Variants in ZDHHC20 observed in about 807,000 individuals in gnomAD.
The protein encoded by ZDHHC20 is palmitoyltransferase ZDHHC20.
Under a neutral mutation model 57.8 loss-of-function variants are expected in ZDHHC20, and 43 were observed. The ratio of observed to expected loss-of-function variants is 0.74; its 90% CI spans 0.58 to 0.96. The LOEUF (loss-of-function observed/expected upper bound fraction) is 0.96. ZDHHC20 is among the 40% of genes least tolerant of loss of function. The probability of loss-of-function intolerance (pLI) is 0.00; values close to 1 mark genes in which losing one functional copy is unlikely to be tolerated. For synonymous variants in ZDHHC20, 157 were observed against 153.0 expected, an observed-to-expected ratio of 1.03 and a Z score of -0.19; for missense variants, 391 against 441.1, an observed-to-expected ratio of 0.89 and a Z score of 1.02.
intron 1 of ZDHHC20, among the ~76,000 whole-genome samples, chr13:21,449,835 T>C (rs1187009326): frequency 6.6e-6 from 1 of 152,148 alleles, no homozygotes; most frequent in African/African-American, 2.4e-5. Context: ...TTTTGCCACG[T>C]TGATGAAGCT....
Position 21,425,688 on chromosome 13 carries a change from A to G in ZDHHC20, c.119-10T>C. ...TTTCCAAAAATAGTAACTAGAATAG[A>G]AGAAAAAATAGTGAATAAATATACT... is the stretch of plus-strand genomic sequence containing the variant. On this transcript the variant is annotated splice_polypyrimidine_tract_variant and intron_variant, in intron 1 of 12. Transcript: ENST00000400590. The G allele has an allele frequency of 8.6e-7, 1 of 1,158,490 alleles. No individual in the cohort carries two copies. Among genetic ancestry groups the G allele is most frequent in the Non-Finnish European group, 1.2e-6 (1 of 860,090 alleles). 71.8% of individuals were successfully genotyped at this position (1,158,490 alleles called of 1,614,324 possible). A position where few individuals can be genotyped will look rare whatever the true frequency, so the allele number is the denominator to read the frequency against.
intron 1 of ZDHHC20, among the ~76,000 whole-genome samples, chr13:21,427,751 C>T (rs1428464130): frequency 6.8e-6 from 1 of 146,394 alleles, no homozygotes. Context: ...AGGAGAATCA[C>T]TTGAACCCAG....
At chr13:21,448,409 G>A (rs1593283657) in intron 1 of ZDHHC20, among the ~76,000 whole-genome samples, 2 of 107,138 alleles carry the variant, frequency 1.9e-5, no homozygotes, top group African/African-American at 3.1e-5. Context: ...CCGTCCGGGA[G>A]GGAGGTGGGG....
intron 7 of ZDHHC20, among the ~76,000 whole-genome samples, chr13:21,397,688 T>C (rs779618626): frequency 2.1e-4 from 32 of 151,974 alleles, no homozygotes; most frequent in Non-Finnish European, 3.8e-4. Flanking sequence ...CAAAAAAGAT[T>C]AGTATCTTTA....
intron 12 of ZDHHC20, among the ~76,000 whole-genome samples, chr13:21,378,373 T>C (rs1368403448): frequency 6.6e-6 from 1 of 152,178 alleles, no homozygotes; most frequent in African/African-American, 2.4e-5. Flanking sequence ...TTTTTTTCTT[T>C]AATTAATAAG....
At chr13:21,444,302 A>C (rs570837291) in intron 1 of ZDHHC20, among the ~76,000 whole-genome samples, 2 of 152,330 alleles carry the variant, frequency 1.3e-5, no homozygotes, top group South Asian at 4.1e-4. Flanking sequence ...ATCAACATAG[A>C]AACTAGTTGG....
At chr13:21,389,398 C>T (rs749635680) in intron 8 of ZDHHC20, among the ~76,000 whole-genome samples, 15 of 152,088 alleles carry the variant, frequency 9.9e-5, no homozygotes, top group African/African-American at 1.7e-4. Context: ...TGACTTGCAA[C>T]CCGCATTTCC....
At chr13:21,394,056 T>C (rs1876326272) in intron 7 of ZDHHC20, among the ~76,000 whole-genome samples, 1 of 152,336 alleles carries the variant, frequency 6.6e-6, no homozygotes, top group East Asian at 1.9e-4. Context: ...CTCCCATCTA[T>C]TCTCAGCTCA....
intron 10 of ZDHHC20, chr13:21,381,936 C>A (rs762583279): frequency 1.9e-6 from 1 of 525,694 alleles, no homozygotes; most frequent in South Asian, 1.4e-5. Context: ...TCTACCTCTG[C>A]AGTTTAGATC....
In ZDHHC20 at chr13:21,452,364, G is replaced by A. The variant is rs561613194; in HGVS notation, c.118+6690C>T. ...TTTTATGACATGCAAACTATGTCTC[G>A]ATCAAGTTGTCTTTAAAAACTAAAG... On this transcript the variant is annotated intron_variant, in intron 1 of 12. Transcript: ENST00000400590. Among the ~76,000 whole-genome samples, 4 of 152,178 alleles carry A rather than the reference G, an allele frequency of 2.6e-5. No individual in the cohort carries two copies. In the East Asian group the frequency reaches 5.8e-4, roughly 22 times the overall value.
At chr13:21,377,123 C>T (rs1303350966) in intron 12 of ZDHHC20, 2 of 167,334 alleles carry the variant, frequency 1.2e-5, no homozygotes, top group Non-Finnish European at 2.6e-5. Flanking sequence ...ACAGCTCCAG[C>T]TCTTGGTGGC....
chr13:21,458,439 C>A (rs1027557132), intron 1 of ZDHHC20, among the ~76,000 whole-genome samples: 12 of 152,168 alleles, frequency 7.9e-5, no homozygotes, highest in African/African-American at 2.9e-4. Context: ...CAAAAGCCGG[C>A]TGGATTCAGA....
At chr13:21,418,540 T>C (rs182658047) in intron 3 of ZDHHC20, among the ~76,000 whole-genome samples, 2 of 152,202 alleles carry the variant, frequency 1.3e-5, no homozygotes, top group East Asian at 3.9e-4. Flanking sequence ...AGGTGGGTAC[T>C]AGTATCACCC....
Position 21,395,307 on chromosome 13 carries a change from C to T in ZDHHC20, c.595-3453G>A, listed in dbSNP as rs112358261. Among the ~76,000 whole-genome samples, 177 of 151,936 alleles carry T rather than the reference C, an allele frequency of 1.2e-3. 1 individual carries two copies. The highest frequency in any genetic ancestry group is 6.8e-3 in the Middle Eastern group (2 of 294). On this transcript the variant is annotated intron_variant, in intron 7 of 12. Coordinates refer to ENST00000400590, the MANE Select transcript of ZDHHC20 (RefSeq NM_001330059.2). ...GGTCTTGATCTCCTGACCTCGTGAT[C>T]CACCTGCCTCGGCCTCCCAAAGTGC... is the stretch of plus-strand genomic sequence containing the variant.
chr13:21,381,347 T>G lies in ZDHHC20; in HGVS notation c.1060+87A>C. 3 of 1,079,434 alleles carry G rather than the reference T, an allele frequency of 2.8e-6. No individual in the cohort carries two copies. The South Asian group carries it at 4.3e-5, about 16-fold the overall frequency. The allele number at this position is 1,079,434 out of a possible 1,614,324, so 66.9% of individuals were successfully genotyped here. On this transcript the variant is annotated intron_variant, in intron 11 of 12. Coordinates refer to ENST00000400590, the MANE Select transcript of ZDHHC20 (RefSeq NM_001330059.2). ...ACATATTTTAGTATTTTTAAAATGT[T>G]ACATTATTTTGATTTTTCCACATGT...
rs150256402 is a variant in ZDHHC20 at position 21,444,699 on chromosome 13, G to A, written c.118+14355C>T. ...TTAGTAGGTATATCCGTCCCCTACC[G>A]TTTTATGATCTTTTTCCTCCAAACT... On this transcript the variant is annotated intron_variant, in intron 1 of 12. Coordinates refer to ENST00000400590, the MANE Select transcript of ZDHHC20 (RefSeq NM_001330059.2). Among the ~76,000 whole-genome samples, 781 of 152,172 alleles carry A rather than the reference G, an allele frequency of 5.1e-3. 10 individuals carry two copies. Among genetic ancestry groups the A allele is most frequent in the African/African-American group, 0.018 (745 of 41,516 alleles).
Position 21,448,771 on chromosome 13 carries a change from AGAAAGGCGG to A in ZDHHC20, c.118+10274_118+10282del, listed in dbSNP as rs1354028267. 2.0e-4 allele frequency among the ~76,000 whole-genome samples: 19 copies of A among 94,928 alleles called. 1 individual carries two copies. The highest frequency in any genetic ancestry group is 5.9e-4 in the African/African-American group (18 of 30,254). The allele number at this position is 94,928 out of a possible 152,430, so 62.3% of individuals were successfully genotyped here. A position where few individuals can be genotyped will look rare whatever the true frequency, so the allele number is the denominator to read the frequency against. On this transcript the variant is annotated intron_variant, in intron 1 of 12. Transcript: ENST00000400590. Reference sequence around the variant, plus strand: ...GATGACAATGGTGGCTTTGTGGAATAGAAAGGCGGGAAAGGTGGGGAAAAGATTGAGAAA... The same window carrying A: ...GATGACAATGGTGGCTTTGTGGAATAGAAAGGTGGGGAAAAGATTGAGAAA...
intron 11 of ZDHHC20, 64 bp from the exon 12 acceptor site, chr13:21,378,802 G>A: frequency 1.1e-6 from 1 of 947,128 alleles, no homozygotes; most frequent in Non-Finnish European, 1.5e-6. Context: ...TTAAGTTTCT[G>A]GCTAAATGGT....
chr13:21,389,154 C>CA (rs1875168420), intron 8 of ZDHHC20, among the ~76,000 whole-genome samples: 1 of 152,116 alleles, frequency 6.6e-6, no homozygotes, highest in Admixed American at 6.6e-5. Context: ...TGTAGGAACT[C>CA]ACTAAATGAG....
Sources: gnomAD v4.1 joint callset for allele counts (sites outside exome capture counted in the v4.1 genomes callset) on GRCh38, gnomAD v4.1.1 for gene constraint, MANE v1.5 for transcripts, NCBI Gene and HGNC (gene_info 2026-07-23, HGNC 2026-07-21) for gene names.